The following DLGAP1 variants were observed in gnomAD, a reference collection of about 807,000 sequenced individuals.
The protein encoded by DLGAP1 is DLG associated protein 1.
DLGAP1 carries 11 observed loss-of-function variants against 90.8 expected under a neutral mutation model. That is an observed-to-expected ratio of 0.12 (90% CI 0.08 to 0.20). The LOEUF (loss-of-function observed/expected upper bound fraction) is 0.20. Among genes scored for constraint, DLGAP1 ranks in the 10% least tolerant of loss-of-function variants. DLGAP1 has a pLI of 1.00. For missense variants in DLGAP1, 1,050 were observed against 1,333.8 expected (o/e 0.79, Z 3.31); for synonymous variants, 558 against 540.7 (o/e 1.03, Z -0.44).
At chr18:3,635,323 A>G (rs1364342858) in intron 7 of DLGAP1, among the ~76,000 whole-genome samples, 5 of 149,244 alleles carry the variant, frequency 3.4e-5, no homozygotes, top group Non-Finnish European at 7.5e-5. Context: ...TTTTTAGTAG[A>G]GACGGGGTTT....
At chr18:4,186,051 C>A (rs1226119964) in intron 1 of DLGAP1, among the ~76,000 whole-genome samples, 1 of 151,028 alleles carries the variant, frequency 6.6e-6, no homozygotes, top group Non-Finnish European at 1.5e-5. Flanking sequence ...GAGTTTTTTT[C>A]ATCTGCTTAT....
intron 7 of DLGAP1, among the ~76,000 whole-genome samples, chr18:3,720,422 C>T (rs920191536): frequency 2.6e-5 from 4 of 152,092 alleles, no homozygotes; most frequent in Non-Finnish European, 5.9e-5. Flanking sequence ...TTTCAAATGC[C>T]GTTATAGTAA....
chr18:4,388,505 C>T (rs2082280701), intron 1 of DLGAP1, among the ~76,000 whole-genome samples: 1 of 152,026 alleles, frequency 6.6e-6, no homozygotes, highest in African/African-American at 2.4e-5. Flanking sequence ...CTAGAGGGTA[C>T]ATATAGTTCA....
At chr18:3,904,556 C>T (rs918829878) in intron 3 of DLGAP1, among the ~76,000 whole-genome samples, 4 of 152,160 alleles carry the variant, frequency 2.6e-5, no homozygotes, top group Admixed American at 2.0e-4. Context: ...CATTGATCAT[C>T]GGCATTCTTG....
intron 2 of DLGAP1, among the ~76,000 whole-genome samples, chr18:4,106,420 C>T (rs758572885): frequency 6.6e-6 from 1 of 152,172 alleles, no homozygotes; most frequent in Non-Finnish European, 1.5e-5. Context: ...TTCCACATTC[C>T]GTGGGTGTAG....
intron 1 of DLGAP1, among the ~76,000 whole-genome samples, chr18:4,162,766 A>G (rs1315318998): frequency 1.3e-5 from 2 of 152,176 alleles, no homozygotes; most frequent in African/African-American, 4.8e-5. Context: ...GACATGTGCT[A>G]TTAGTCTGAA....
chr18:4,136,592 A>G (rs897617720), intron 2 of DLGAP1, among the ~76,000 whole-genome samples: 2 of 152,134 alleles, frequency 1.3e-5, no homozygotes, highest in Non-Finnish European at 2.9e-5. Flanking sequence ...GCATTATTAG[A>G]TATTTTCCTA....
intron 1 of DLGAP1, among the ~76,000 whole-genome samples, chr18:4,219,031 T>C (rs1411776746): frequency 2.0e-5 from 1 of 48,808 alleles, no homozygotes; most frequent in Admixed American, 3.0e-4. Flanking sequence ...ATCTTTGTTT[T>C]TTTTTTTTTT....
chr18:3,813,050 G>A (rs1311302186), intron 5 of DLGAP1, among the ~76,000 whole-genome samples: 1 of 152,094 alleles, frequency 6.6e-6, no homozygotes, highest in Non-Finnish European at 1.5e-5. Flanking sequence ...ACAGCATTTA[G>A]AATGAAATCA....
At chr18:4,131,255 C>T (rs935700875) in intron 2 of DLGAP1, among the ~76,000 whole-genome samples, 1 of 152,088 alleles carries the variant, frequency 6.6e-6, no homozygotes, top group Admixed American at 6.6e-5. Flanking sequence ...CAGTTAATTA[C>T]TAAACATTAG....
intron 5 of DLGAP1, among the ~76,000 whole-genome samples, chr18:3,803,814 C>T (rs1055674020): frequency 4.6e-5 from 7 of 151,706 alleles, no homozygotes; most frequent in East Asian, 1.9e-4. Context: ...CTTCTGACAC[C>T]GTTGGGAGGA....
intron 10 of DLGAP1, among the ~76,000 whole-genome samples, chr18:3,512,215 A>G (rs1228434101): frequency 1.3e-5 from 2 of 152,074 alleles, no homozygotes; most frequent in Admixed American, 1.3e-4. Context: ...CATACCATCT[A>G]TTTGTGTAAT....
chr18:3,634,437 A>G (rs1035496496), intron 7 of DLGAP1, among the ~76,000 whole-genome samples: 6 of 152,110 alleles, frequency 3.9e-5, no homozygotes, highest in African/African-American at 1.2e-4. Context: ...GTTAAGAGAC[A>G]TTTTTGGACT....
rs16946273 is a variant in DLGAP1, at chr18:4,210,131, C to T, written c.-266-58844G>A. On this transcript the variant is annotated intron_variant, in intron 1 of 12. Coordinates refer to ENST00000315677, the MANE Select transcript of DLGAP1 (RefSeq NM_004746.4). ...CCATTTGTTCCCATGGAATGCTCCACGTCCTCTCTCATGAATTGTAATTTT... is the reference window on the plus strand; with the variant it reads ...CCATTTGTTCCCATGGAATGCTCCATGTCCTCTCTCATGAATTGTAATTTT... Among the ~76,000 whole-genome samples, 842 of 152,294 alleles carry T rather than the reference C, an allele frequency of 5.5e-3. 7 individuals carry two copies. The highest frequency in any genetic ancestry group is 0.019 in the African/African-American group (805 of 41,568).
At chr18:3,786,449 A>G (rs566389755) in intron 5 of DLGAP1, among the ~76,000 whole-genome samples, 96 of 152,352 alleles carry the variant, frequency 6.3e-4, no homozygotes, top group African/African-American at 2.2e-3. Context: ...AAAATTACAG[A>G]GGCACATGTG....
At chr18:3,998,921 T>C (rs928220238) in intron 3 of DLGAP1, among the ~76,000 whole-genome samples, 6 of 152,180 alleles carry the variant, frequency 3.9e-5, no homozygotes, top group Admixed American at 3.3e-4. Context: ...GTCCCTTTGG[T>C]GCTGTTCTGC....
intron 7 of DLGAP1, among the ~76,000 whole-genome samples, chr18:3,686,036 G>T (rs1330518168): frequency 6.6e-6 from 1 of 151,972 alleles, no homozygotes; most frequent in Non-Finnish European, 1.5e-5. Flanking sequence ...ATTTAATTGG[G>T]CATGGTGGCA....
intron 4 of DLGAP1, chr18:3,821,820 C>T (rs2067436151): frequency 1.2e-6 from 1 of 824,774 alleles, no homozygotes; most frequent in Non-Finnish European, 1.5e-6. Flanking sequence ...CTGCCTACAA[C>T]TTTTTAGAGA....
Position 3,852,055 on chromosome 18 carries a change from C to T in DLGAP1, c.957+27057G>A, listed in dbSNP as rs75951127. 9.3e-3 allele frequency among the ~76,000 whole-genome samples: 1,413 copies of T among 152,068 alleles called. 60 individuals are homozygous for T. The highest frequency in any genetic ancestry group is 0.065 in the East Asian group (335 of 5,164). On this transcript the variant is annotated intron_variant, in intron 4 of 12. Coordinates refer to ENST00000315677, the MANE Select transcript of DLGAP1 (RefSeq NM_004746.4). ...AGAAAAGGACATGTATCGAATATGG[C>T]AAAGGAGAGCCATCATATGCATAGC...
Sources: gnomAD v4.1 joint callset for allele counts (sites outside exome capture counted in the v4.1 genomes callset) on GRCh38, gnomAD v4.1.1 for gene constraint, MANE v1.5 for transcripts, NCBI Gene and HGNC (gene_info 2026-07-23, HGNC 2026-07-21) for gene names.